Variants in COMTD1 observed in about 807,000 individuals in gnomAD.
The protein encoded by COMTD1 is catechol-O-methyltransferase domain containing 1, also known as catechol O-methyltransferase domain-containing protein 1.
Under a neutral mutation model 33.6 loss-of-function variants are expected in COMTD1, and 35 were observed. That is an observed-to-expected ratio of 1.04 (90% confidence interval 0.80 to 1.38). COMTD1 has a LOEUF of 1.38. COMTD1 is among the 40% of genes most tolerant of loss of function. The pLI, the probability that COMTD1 is intolerant of heterozygous loss-of-function variation, is 0.00. For synonymous variants in COMTD1, 160 were observed against 176.8 expected (o/e 0.91, Z 0.75); for missense variants, 370 against 363.4 (o/e 1.02, Z -0.15).
At position 75,235,743 on chromosome 10, in the gene COMTD1, C is replaced by T. The variant is rs772996239; in HGVS notation, c.95G>A (p.Gly32Glu). The change falls in exon 2 of 7, where the codon GGG (glycine) becomes GAG (glutamate). Residue 32 changes from glycine (G) to glutamate (E), a missense_variant and splice_region_variant. Transcript: ENST00000372538. ...GCCTCGCCATGGGGGGCACCGCCTC[C>T]CTGACGGGGAGAGGGTGTTGGATTA... is the stretch of plus-strand genomic sequence containing the variant. ...GAAFATGLFL[G>E]RRCPPWRGRR... The T allele has an allele frequency of 2.5e-6, 4 of 1,599,824 alleles. No individual in the cohort carries two copies. Among genetic ancestry groups the T allele is most frequent in the Non-Finnish European group, 3.4e-6 (4 of 1,174,788 alleles).
Position 75,235,330 on chromosome 10 carries a change from C to A in COMTD1, c.265G>T (p.Glu89Ter). ...AGGTTGGCCAAGAGCTGGGCCTGCT[C>A]GCAGGTCATCATAGAATCCCCCTGC... ...QPQGDSMMTCEQAQLLANLAR... is the reference protein window; with the variant it reads ...QPQGDSMMTC Residue 89 changes from glutamate (E) to a stop codon, truncating the protein, a stop_gained, in exon 3 of 7, where the codon GAG (glutamate) becomes TAG (stop). Transcript: ENST00000372538. LOFTEE classifies it high-confidence loss of function. 1.3e-6 allele frequency: 2 copies of A among 1,593,914 alleles called. No individual in the cohort carries two copies. The highest frequency in any genetic ancestry group is 1.7e-5 in the Admixed American group (1 of 58,086).
chr10:75,235,635 G>T lies in COMTD1; in HGVS notation c.203C>A (p.Ala68Glu). The T allele has an allele frequency of 6.3e-7, 1 of 1,593,732 alleles. No individual in the cohort carries two copies. Among genetic ancestry groups the T allele is most frequent in the Non-Finnish European group, 8.5e-7 (1 of 1,172,246 alleles). The change falls in exon 2 of 7, where the codon GCG (alanine) becomes GAG (glutamate). Residue 68 changes from alanine (A) to glutamate (E), a missense_variant. Ala to Glu is a moderately radical substitution (Grantham distance 107, BLOSUM62 -1). Transcript: ENST00000372538. ...GCTGACCAGCCTCAGGCTTCGCAGC[G>T]CCGGGTGCTCCCGCATGGAGCGGCT... ...LLSRSMREHP[A>E]LRSLRLLTLE...
intron 3 of COMTD1, 36 bp from the exon 4 acceptor site, chr10:75,235,214 G>A: frequency 2.0e-6 from 3 of 1,463,798 alleles, no homozygotes; most frequent in Non-Finnish European, 2.7e-6. Context: ...AGCCCAGAGT[G>A]GGGGTCGGCC....
chr10:75,234,226 C>A lies in COMTD1; in HGVS notation c.637-1G>T. Reference sequence around the variant, plus strand: ...GCAGCACCTTCCCGCGCCACAGGACCTGCGGGAGGGCGGGGCCAACCGGGC... The same window carrying A: ...GCAGCACCTTCCCGCGCCACAGGACATGCGGGAGGGCGGGGCCAACCGGGC... On this transcript the variant is annotated splice_acceptor_variant, in intron 6 of 6. Coordinates refer to ENST00000372538, the MANE Select transcript of COMTD1 (RefSeq NM_144589.4). LOFTEE classifies it high-confidence loss of function. The A allele has an allele frequency of 1.2e-6, 2 of 1,609,036 alleles. No individual in the cohort carries two copies. Among genetic ancestry groups the A allele is most frequent in the Non-Finnish European group, 1.7e-6 (2 of 1,178,772 alleles).
chr10:75,234,236 G>A lies in COMTD1; in HGVS notation c.637-11C>T. 1 of 1,605,458 alleles carries A rather than the reference G, an allele frequency of 6.2e-7. No individual in the cohort carries two copies. ...CCCGCGCCACAGGACCTGCGGGAGG[G>A]CGGGGCCAACCGGGCCGTGGGAGGC... On this transcript the variant is annotated splice_polypyrimidine_tract_variant and intron_variant, in intron 6 of 6. Transcript: ENST00000372538.
At position 75,234,024 on chromosome 10, in the gene COMTD1, T is replaced by TG. The variant is rs1379139329; in HGVS notation, c.*48dup. ...GAATTTAAAACTCAGGGTCAATTCC[T>TG]GGGGTTCCCAGGCAACCCTCCCTCG... On this transcript the variant is annotated 3_prime_UTR_variant, in exon 7 of 7. Coordinates refer to ENST00000372538, the MANE Select transcript of COMTD1 (RefSeq NM_144589.4). The TG allele has an allele frequency of 6.2e-7, 1 of 1,613,340 alleles. No homozygotes were observed. The highest frequency in any genetic ancestry group is 1.7e-5 in the Admixed American group (1 of 60,014).
chr10:75,234,381 T>A (rs1842155925), intron 6 of COMTD1, 156 bp from the exon 7 acceptor site: 1 of 950,114 alleles, frequency 1.1e-6, no homozygotes, highest in Admixed American at 3.1e-5. Flanking sequence ...GAGGGAGGTG[T>A]CTGGGCGGGA....
At position 75,235,254 on chromosome 10, in the gene COMTD1, C is replaced by A. The variant is rs752568725; in HGVS notation, c.328+13G>T. ...AACCTCGGCCCTCCGGGATCCCGGC[C>A]GCGTGCCCCTACCCAGGTCCAGCGC... On this transcript the variant is annotated intron_variant, in intron 3 of 6. Transcript: ENST00000372538. The A allele has an allele frequency of 6.6e-7, 1 of 1,513,692 alleles. No individual in the cohort carries two copies. Among genetic ancestry groups the A allele is most frequent in the Admixed American group, 2.2e-5 (1 of 46,382 alleles). The allele number at this position is 1,513,692 out of a possible 1,614,324, so 93.8% of individuals were successfully genotyped here. A position where few individuals can be genotyped will look rare whatever the true frequency, so the allele number is the denominator to read the frequency against.
chr10:75,235,393 G>A, intron 2 of COMTD1, 21 bp from the exon 3 acceptor site: 2 of 1,509,774 alleles, frequency 1.3e-6, no homozygotes, highest in Non-Finnish European at 8.9e-7. Flanking sequence ...GGAGAGGGTG[G>A]CACCAGCCAT....
Position 75,234,074 on chromosome 10 carries a change from T to C in COMTD1, c.788A>G (p.Ter263TrpextTer19). The change falls in exon 7 of 7, where the codon TAG (stop) becomes TGG (tryptophan). Residue 263 changes from the stop codon to tryptophan, a stop_lost. Transcript: ENST00000372538. ...GDGLTLAFKI* is the reference protein window; with the variant it reads ...GDGLTLAFKIW ...GAGCCCACTCACTAGGGGCCAGCCC[T>C]AGATCTTGAAGGCCAAGGTGAGTCC... The C allele has an allele frequency of 1.2e-6, 2 of 1,613,984 alleles. No homozygotes were observed. Among genetic ancestry groups the C allele is most frequent in the Non-Finnish European group, 1.7e-6 (2 of 1,180,030 alleles).
chr10:75,233,923 G>C lies in COMTD1; in HGVS notation c.*150C>G. 1 of 1,517,862 alleles carries C rather than the reference G, an allele frequency of 6.6e-7. No homozygotes were observed. The highest frequency in any genetic ancestry group is 1.4e-5 in the African/African-American group (1 of 72,756). The allele number at this position is 1,517,862 out of a possible 1,614,324, so 94.0% of individuals were successfully genotyped here. ...TGAAGGCAGGAGCTGTCTGTGCTGG[G>C]CCTTCCCTCCCTTCCCCATCCAGCG... On this transcript the variant is annotated 3_prime_UTR_variant, in exon 7 of 7. Transcript: ENST00000372538.
At chr10:75,234,347 GC>G in intron 6 of COMTD1, 122 bp from the exon 7 acceptor site, 1 of 1,141,040 alleles carries the variant, frequency 8.8e-7, no homozygotes, top group Non-Finnish European at 1.2e-6. Context: ...GGAGGGAGGT[GC>G]CCAGACGGAA....
In COMTD1 at chr10:75,235,690, C is replaced by CG. The variant is rs1341265964; in HGVS notation, c.147dup (p.Glu50ArgfsTer251). ...AGATACTGCCACAGGCGGCTGTCCTCGGGGGGAAGCAGGCACTGCTCTCGC... is the reference window on the plus strand; with the variant it reads ...AGATACTGCCACAGGCGGCTGTCCTCGGGGGGGAAGCAGGCACTGCTCTCGC... On this transcript the variant is annotated frameshift_variant, in exon 2 of 7. Coordinates refer to ENST00000372538, the MANE Select transcript of COMTD1 (RefSeq NM_144589.4). LOFTEE classifies it high-confidence loss of function. 3.1e-6 allele frequency: 5 copies of CG among 1,597,214 alleles called. No homozygotes were observed. Among genetic ancestry groups the CG allele is most frequent in the Non-Finnish European group, 4.3e-6 (5 of 1,173,524 alleles).
chr10:75,233,840 T>G lies in COMTD1; in HGVS notation c.*233A>C, dbSNP rs139896755. The G allele has an allele frequency of 3.3e-5, 36 of 1,102,930 alleles. No individual in the cohort carries two copies. In the African/African-American group the frequency reaches 3.6e-4, roughly 11 times the overall value. The allele number at this position is 1,102,930 out of a possible 1,614,324, so 68.3% of individuals were successfully genotyped here. A position where few individuals can be genotyped will look rare whatever the true frequency, so the allele number is the denominator to read the frequency against. ...CTGCCTCCTGCCAGCTGGAGGTTCCTGCAGTTGGGCCACAGACCTGGCGCC... is the reference window on the plus strand; with the variant it reads ...CTGCCTCCTGCCAGCTGGAGGTTCCGGCAGTTGGGCCACAGACCTGGCGCC... On this transcript the variant is annotated 3_prime_UTR_variant, in exon 7 of 7. Transcript: ENST00000372538.
Position 75,234,190 on chromosome 10 carries a change from T to A in COMTD1, c.672A>T (p.Lys224Asn). The change falls in exon 7 of 7, where the codon AAA becomes AAT. Residue 224 changes from lysine to asparagine, a missense_variant. Coordinates refer to ENST00000372538, the MANE Select transcript of COMTD1 (RefSeq NM_144589.4). ...GCACACACTCGGCCGCCACGTCCCC[T>A]TTCGGAGGTTGCAGCACCTTCCCGC... is the stretch of plus-strand genomic sequence containing the variant. ...LWRGKVLQPP[K>N]GDVAAECVRN... The A allele has an allele frequency of 6.2e-7, 1 of 1,613,322 alleles. No individual in the cohort carries two copies. The highest frequency in any genetic ancestry group is 8.5e-7 in the Non-Finnish European group (1 of 1,180,014).
At chr10:75,234,386 G>T in intron 6 of COMTD1, 161 bp from the exon 7 acceptor site, 1 of 1,004,036 alleles carries the variant, frequency 1.0e-6, no homozygotes, top group Non-Finnish European at 1.4e-6. Flanking sequence ...AGGTGTCTGG[G>T]CGGGAGGCGG....
At position 75,233,906 on chromosome 10, in the gene COMTD1, G is replaced by A; in HGVS notation, c.*167C>T. ...CTCAAGGCCCCTTTCACTGAAGGCA[G>A]GAGCTGTCTGTGCTGGGCCTTCCCT... On this transcript the variant is annotated 3_prime_UTR_variant, in exon 7 of 7. Transcript: ENST00000372538. 6.8e-7 allele frequency: 1 copy of A among 1,468,318 alleles called. No homozygotes were observed. Among genetic ancestry groups the A allele is most frequent in the Non-Finnish European group, 9.0e-7 (1 of 1,111,830 alleles). The allele number at this position is 1,468,318 out of a possible 1,614,324, so 91.0% of individuals were successfully genotyped here.
Position 75,234,684 on chromosome 10 carries a change from T to C in COMTD1, c.562A>G (p.Lys188Glu). 1.3e-6 allele frequency: 2 copies of C among 1,589,054 alleles called. No individual in the cohort carries two copies. Among genetic ancestry groups the C allele is most frequent in the Non-Finnish European group, 1.7e-6 (2 of 1,168,746 alleles). ...TFDVAVVDAD[K>E]ENCSAYYERC... Reference sequence around the variant, plus strand: ...TCGTAGTAGGCGGAGCAGTTCTCCTTGTCCGCATCCACCACGGCCACGTCG... The same window carrying C: ...TCGTAGTAGGCGGAGCAGTTCTCCTCGTCCGCATCCACCACGGCCACGTCG... The change falls in exon 6 of 7, where the codon AAG becomes GAG. Residue 188 changes from lysine (K) to glutamate (E), a missense_variant. Physicochemically the swap from Lys to Glu is moderately conservative, Grantham distance 56. Coordinates refer to ENST00000372538, the MANE Select transcript of COMTD1 (RefSeq NM_144589.4).
At chr10:75,234,352 G>A (rs1842155237) in intron 6 of COMTD1, 127 bp from the exon 7 acceptor site, 1 of 1,119,590 alleles carries the variant, frequency 8.9e-7, no homozygotes, top group South Asian at 1.6e-5. Flanking sequence ...GAGGTGCCCA[G>A]ACGGAAGGCG....
Sources: gnomAD v4.1 joint callset for allele counts on GRCh38, gnomAD v4.1.1 for gene constraint, MANE v1.5 for transcripts, NCBI Gene and HGNC (gene_info 2026-07-23, HGNC 2026-07-21) for gene names.